Variants in DYRK2 observed in about 807,000 individuals in gnomAD.
DYRK2 encodes dual specificity tyrosine-phosphorylation-regulated kinase 2.
Under a neutral mutation model 41.6 loss-of-function variants are expected in DYRK2, and 12 were observed. The observed-to-expected ratio is 0.29, with a 90% CI of 0.18 to 0.47. DYRK2 has a LOEUF of 0.47. Among genes scored for constraint, DYRK2 ranks in the 20% least tolerant of loss-of-function variants. DYRK2 has a pLI of 1.00. For synonymous variants in DYRK2, 322 were observed against 315.7 expected, an observed-to-expected ratio of 1.02 and a Z score of -0.21; for missense variants, 678 against 798.4, an observed-to-expected ratio of 0.85 and a Z score of 1.82.
rs1220513841 is a variant in DYRK2, at chr12:67,657,209, G to A, written c.302G>A (p.Arg101Gln). 4 of 1,614,036 alleles carry A rather than the reference G, an allele frequency of 2.5e-6. No homozygotes were observed. The highest frequency in any genetic ancestry group is 3.3e-5 in the Admixed American group (2 of 59,984). ...QQLFEDNSNK[R>Q]TVLTTQPNGL... ...TTGTTTGAGGATAACAGTAACAAGC[G>A]GACAGTGCTCACGACACAACCAAAT... The change falls in exon 3 of 3, where the codon CGG becomes CAG. Residue 101 changes from arginine to glutamine, a missense_variant. Physicochemically the swap from Arg to Gln is conservative, Grantham distance 43. This residue lies in a region of DYRK2 where 285 missense variants were observed against 279.2 expected (regional missense o/e 1.02). Coordinates refer to ENST00000344096, the MANE Select transcript of DYRK2 (RefSeq NM_006482.3). This position sits in a 1 kb window ranked among gnomAD's most constrained non-coding sequence, Gnocchi z 4.8.
intron 2 of DYRK2, among the ~76,000 whole-genome samples, chr12:67,655,246 G>A (rs368247531): frequency 4.3e-4 from 66 of 152,278 alleles, no homozygotes; most frequent in Middle Eastern, 3.4e-3. Flanking sequence ...TTTATAGCAT[G>A]TATACAGGTA....
At position 67,662,844 on chromosome 12, in the gene DYRK2, G is replaced by A. The variant is rs1313641421; in HGVS notation, c.*4131G>A. On this transcript the variant is annotated 3_prime_UTR_variant, in exon 3 of 3. Coordinates refer to ENST00000344096, the MANE Select transcript of DYRK2 (RefSeq NM_006482.3). ...GCAATACTTTATTAGTTCAATATAAGTATGCAGATTCCAAGTGGAAAAACA... is the reference window on the plus strand; with the variant it reads ...GCAATACTTTATTAGTTCAATATAAATATGCAGATTCCAAGTGGAAAAACA... The A allele has an allele frequency of 6.6e-6, 1 of 152,264 alleles. No homozygotes were observed. Among genetic ancestry groups the A allele is most frequent in the Non-Finnish European group, 1.5e-5 (1 of 67,978 alleles). The allele number at this position is 152,264 out of a possible 1,614,324, so 9.4% of individuals were successfully genotyped here. A position where few individuals can be genotyped will look rare whatever the true frequency, so the allele number is the denominator to read the frequency against.
chr12:67,659,973 G>T lies in DYRK2; in HGVS notation c.*1260G>T, dbSNP rs1425861418. On this transcript the variant is annotated 3_prime_UTR_variant, in exon 3 of 3. Coordinates refer to ENST00000344096, the MANE Select transcript of DYRK2 (RefSeq NM_006482.3). ...CTCTATTTTATTTTACTTTCTTTTG[G>T]ATTGCACTGATTGTTTTTGTGGGAA... 1 of 166,924 alleles carries T rather than the reference G, an allele frequency of 6.0e-6. No homozygotes were observed. Among genetic ancestry groups the T allele is most frequent in the Non-Finnish European group, 1.5e-5 (1 of 68,090 alleles). 10.3% of individuals were successfully genotyped at this position (166,924 alleles called of 1,614,324 possible).
In DYRK2 at chr12:67,649,811, A is replaced by G; in HGVS notation, c.64A>G (p.Ser22Gly). 7.5e-7 allele frequency: 1 copy of G among 1,329,242 alleles called. No individual in the cohort carries two copies. Among genetic ancestry groups the G allele is most frequent in the Non-Finnish European group, 9.7e-7 (1 of 1,033,130 alleles). 82.3% of individuals were successfully genotyped at this position (1,329,242 alleles called of 1,614,324 possible). A position where few individuals can be genotyped will look rare whatever the true frequency, so the allele number is the denominator to read the frequency against. ...GTGGCTTCCAGGCCGAGGTGGGGAC[A>G]GCGCCGTTCGTCAGCTTCAGGCTTC... ...AAYPTGRGGD[S>G]AVRQLQASPG... Residue 22 changes from serine (S) to glycine (G), a missense_variant, in exon 2 of 3, where the codon AGC becomes GGC. This residue lies in a region of DYRK2 where 285 missense variants were observed against 279.2 expected (regional missense o/e 1.02). Transcript: ENST00000344096.
At chr12:67,654,607 G>A (rs945895071) in intron 2 of DYRK2, among the ~76,000 whole-genome samples, 1 of 152,180 alleles carries the variant, frequency 6.6e-6, no homozygotes, top group African/African-American at 2.4e-5. Context: ...GACTTGGGAA[G>A]GTGAGGGAGG....
In DYRK2 at chr12:67,664,546, A is replaced by G. The variant is rs570422077; in HGVS notation, c.*5833A>G. On this transcript the variant is annotated 3_prime_UTR_variant, in exon 3 of 3. Coordinates refer to ENST00000344096, the MANE Select transcript of DYRK2 (RefSeq NM_006482.3). ...ATTATCCTCATTTGATACTTGAGGA[A>G]ACTGAAGTGACTTGCTCCAAAGTTG... The G allele has an allele frequency of 6.8e-5, 7 of 103,586 alleles. No individual in the cohort carries two copies. In the South Asian group the frequency reaches 2.5e-3, roughly 37 times the overall value. 6.4% of individuals were successfully genotyped at this position (103,586 alleles called of 1,614,324 possible). A position where few individuals can be genotyped will look rare whatever the true frequency, so the allele number is the denominator to read the frequency against.
At chr12:67,652,398 A>G (rs1193693789) in intron 2 of DYRK2, 1 of 152,174 alleles carries the variant, frequency 6.6e-6, no homozygotes, top group African/African-American at 2.4e-5. Context: ...AAAACACTCC[A>G]GTTATCAGTT....
At chr12:67,654,982 A>C (rs1222076178) in intron 2 of DYRK2, among the ~76,000 whole-genome samples, 1 of 152,196 alleles carries the variant, frequency 6.6e-6, no homozygotes, top group African/African-American at 2.4e-5. Flanking sequence ...GGAACTCTTG[A>C]ATCCACCTAA....
At chr12:67,651,703 C>T in intron 2 of DYRK2, 1 of 447,554 alleles carries the variant, frequency 2.2e-6, no homozygotes, top group South Asian at 1.6e-5. Context: ...GATTTTATTT[C>T]TATAACATAG....
At position 67,649,070 on chromosome 12, in the gene DYRK2, G is replaced by A; in HGVS notation, c.-64G>A. The A allele has an allele frequency of 2.9e-6, 4 of 1,389,914 alleles. No individual in the cohort carries two copies. The highest frequency in any genetic ancestry group is 1.9e-4 in the Middle Eastern group (1 of 5,240). The allele number at this position is 1,389,914 out of a possible 1,614,324, so 86.1% of individuals were successfully genotyped here. A position where few individuals can be genotyped will look rare whatever the true frequency, so the allele number is the denominator to read the frequency against. ...CGGGAGGCGGCGGCGGCGGCCGCCA[G>A]AAGTAGCAGCAGGACCGGCGGCGGC... On this transcript the variant is annotated 5_prime_UTR_variant, in exon 1 of 3. Coordinates refer to ENST00000344096, the MANE Select transcript of DYRK2 (RefSeq NM_006482.3).
In DYRK2 at chr12:67,660,416, T is replaced by C. The variant is rs1872591566; in HGVS notation, c.*1703T>C. On this transcript the variant is annotated 3_prime_UTR_variant, in exon 3 of 3. Transcript: ENST00000344096. ...TAATTTAGGCTTCGTTGGTTGATGG[T>C]GGAAAAAAATGCTCAGGAAATATTT... 6.0e-6 allele frequency: 1 copy of C among 166,848 alleles called. No individual in the cohort carries two copies. Among genetic ancestry groups the C allele is most frequent in the Non-Finnish European group, 1.5e-5 (1 of 68,028 alleles). 10.3% of individuals were successfully genotyped at this position (166,848 alleles called of 1,614,324 possible).
intron 2 of DYRK2, among the ~76,000 whole-genome samples, chr12:67,652,341 T>A (rs76030239): frequency 0.029 from 4,362 of 152,238 alleles, 188 homozygotes; most frequent in African/African-American, 0.099. Context: ...ATTTTTAAAT[T>A]CAAAAATATT....
chr12:67,658,189 G>A lies in DYRK2; in HGVS notation c.1282G>A (p.Gly428Arg), dbSNP rs1872535162. ...GYPLLPGEDE[G>R]DQLACMIELL... ...CCCCCTCTTGCCTGGGGAAGATGAA[G>A]GGGACCAGCTGGCCTGTATGATTGA... The change falls in exon 3 of 3, where the codon GGG becomes AGG. Residue 428 changes from glycine (G) to arginine (R), a missense_variant. Around this residue, in one of 2 missense-constraint regions of DYRK2, gnomAD observed 393 missense variants for 519.1 expected, o/e 0.76. Coordinates refer to ENST00000344096, the MANE Select transcript of DYRK2 (RefSeq NM_006482.3). The surrounding 1 kb of genome is among the most constrained non-coding windows in gnomAD (Gnocchi z 4.3). 1.9e-6 allele frequency: 3 copies of A among 1,614,078 alleles called. No homozygotes were observed. Among genetic ancestry groups the A allele is most frequent in the Admixed American group, 3.3e-5 (2 of 60,010 alleles).
chr12:67,658,787 T>G lies in DYRK2; in HGVS notation c.*74T>G, dbSNP rs1294670981. ...CCTTACTGGGTTGAAAAGGAGTAGC[T>G]CAGACCTGTTTTTATTTGCTCAATA... On this transcript the variant is annotated 3_prime_UTR_variant, in exon 3 of 3. Transcript: ENST00000344096. This position sits in a 1 kb window ranked among gnomAD's most constrained non-coding sequence, Gnocchi z 4.3. 1 of 1,458,550 alleles carries G rather than the reference T, an allele frequency of 6.9e-7. No individual in the cohort carries two copies. Among genetic ancestry groups the G allele is most frequent in the African/African-American group, 1.4e-5 (1 of 70,288 alleles). The allele number at this position is 1,458,550 out of a possible 1,614,324, so 90.4% of individuals were successfully genotyped here. A position where few individuals can be genotyped will look rare whatever the true frequency, so the allele number is the denominator to read the frequency against.
Position 67,661,467 on chromosome 12 carries a change from T to A in DYRK2, c.*2754T>A, listed in dbSNP as rs2120854184. Reference sequence around the variant, plus strand: ...TTGCTACAGCAGTGGAACAACAGAGTGGTGCAAGACACTGTAGATTAACGG... The same window carrying A: ...TTGCTACAGCAGTGGAACAACAGAGAGGTGCAAGACACTGTAGATTAACGG... On this transcript the variant is annotated 3_prime_UTR_variant, in exon 3 of 3. Coordinates refer to ENST00000344096, the MANE Select transcript of DYRK2 (RefSeq NM_006482.3). 6.0e-6 allele frequency: 1 copy of A among 167,066 alleles called. No individual in the cohort carries two copies. Among genetic ancestry groups the A allele is most frequent in the Middle Eastern group, 3.4e-3 (1 of 296 alleles). The allele number at this position is 167,066 out of a possible 1,614,324, so 10.3% of individuals were successfully genotyped here.
In DYRK2 at chr12:67,663,428, A is replaced by G. The variant is rs1377556737; in HGVS notation, c.*4715A>G. On this transcript the variant is annotated 3_prime_UTR_variant, in exon 3 of 3. Transcript: ENST00000344096. ...TATTTATTTCCCTTCTGTTACCAAC[A>G]GCCAAGGAATTACTTAGTGTGGCTC... 6.6e-6 allele frequency: 1 copy of G among 152,172 alleles called. No homozygotes were observed. Among genetic ancestry groups the G allele is most frequent in the Non-Finnish European group, 1.5e-5 (1 of 68,004 alleles). 9.4% of individuals were successfully genotyped at this position (152,172 alleles called of 1,614,324 possible).
At position 67,661,354 on chromosome 12, in the gene DYRK2, A is replaced by G. The variant is rs1872618948; in HGVS notation, c.*2641A>G. On this transcript the variant is annotated 3_prime_UTR_variant, in exon 3 of 3. Coordinates refer to ENST00000344096, the MANE Select transcript of DYRK2 (RefSeq NM_006482.3). ...GGATGTCTGAGCTGTTTTCAGATCTAGGAATAGCACAGTGTTGTCTTGTCT... is the reference window on the plus strand; with the variant it reads ...GGATGTCTGAGCTGTTTTCAGATCTGGGAATAGCACAGTGTTGTCTTGTCT... The G allele has an allele frequency of 6.0e-6, 1 of 167,130 alleles. No individual in the cohort carries two copies. Among genetic ancestry groups the G allele is most frequent in the Non-Finnish European group, 1.5e-5 (1 of 68,122 alleles). 10.4% of individuals were successfully genotyped at this position (167,130 alleles called of 1,614,324 possible). A position where few individuals can be genotyped will look rare whatever the true frequency, so the allele number is the denominator to read the frequency against.
chr12:67,663,924 A>G lies in DYRK2; in HGVS notation c.*5211A>G, dbSNP rs553568654. 1.8e-4 allele frequency: 28 copies of G among 152,322 alleles called. No individual in the cohort carries two copies. Among genetic ancestry groups the G allele is most frequent in the African/African-American group, 6.0e-4 (25 of 41,590 alleles). The allele number at this position is 152,322 out of a possible 1,614,324, so 9.4% of individuals were successfully genotyped here. A position where few individuals can be genotyped will look rare whatever the true frequency, so the allele number is the denominator to read the frequency against. On this transcript the variant is annotated 3_prime_UTR_variant, in exon 3 of 3. Coordinates refer to ENST00000344096, the MANE Select transcript of DYRK2 (RefSeq NM_006482.3). ...GCTCTAGAAAATGTCCCTAGTTGAC[A>G]TTAGTGTTGGTCTGTTAGAAGGGGA...
At position 67,663,926 on chromosome 12, in the gene DYRK2, T is replaced by G. The variant is rs1872684812; in HGVS notation, c.*5213T>G. On this transcript the variant is annotated 3_prime_UTR_variant, in exon 3 of 3. Coordinates refer to ENST00000344096, the MANE Select transcript of DYRK2 (RefSeq NM_006482.3). ...TCTAGAAAATGTCCCTAGTTGACATTAGTGTTGGTCTGTTAGAAGGGGAAA... is the reference window on the plus strand; with the variant it reads ...TCTAGAAAATGTCCCTAGTTGACATGAGTGTTGGTCTGTTAGAAGGGGAAA... 6.6e-6 allele frequency: 1 copy of G among 152,186 alleles called. No individual in the cohort carries two copies. Among genetic ancestry groups the G allele is most frequent in the Non-Finnish European group, 1.5e-5 (1 of 67,996 alleles). The allele number at this position is 152,186 out of a possible 1,614,324, so 9.4% of individuals were successfully genotyped here.
Sources: gnomAD v4.1 joint callset for allele counts (sites outside exome capture counted in the v4.1 genomes callset) on GRCh38, gnomAD v4.1.1 for gene constraint, gnomAD v4.1.1 regional missense constraint, Gnocchi (gnomAD v3.1) non-coding constraint, MANE v1.5 for transcripts, NCBI Gene and HGNC (gene_info 2026-07-23, HGNC 2026-07-21) for gene names.